ZNF250: variants seen among roughly 807,000 people sequenced by gnomAD.
ZNF250 encodes zinc finger protein 250.
A neutral mutation model predicts 37.1 loss-of-function variants in ZNF250; 13 were observed. That is an observed-to-expected ratio of 0.35 (90% CI 0.23 to 0.56). ZNF250 has a LOEUF of 0.56. ZNF250 is among the 20% of genes least tolerant of loss of function. ZNF250 has a pLI of 0.87. For synonymous variants in ZNF250, 251 were observed against 265.6 expected, an observed-to-expected ratio of 0.94 and a Z score of 0.54; for missense variants, 474 against 697.9, an observed-to-expected ratio of 0.68 and a Z score of 3.61.
Position 144,881,945 on chromosome 8 carries a change from G to T in ZNF250, c.1238C>A (p.Thr413Asn). ...GTAGCATGCATAGGGCTTTTCCTCG[G>T]TGTGGATCCGCTCGTGATTCATCAG... ...STLMNHERIHTEEKPYACYEC... is the reference protein window; with the variant it reads ...STLMNHERIHNEEKPYACYEC... The change falls in exon 6 of 6, where the codon ACC becomes AAC. Residue 413 changes from threonine (T) to asparagine (N), a missense_variant. Thr to Asn is a moderately conservative substitution (Grantham distance 65). Transcript: ENST00000417550. The T allele has an allele frequency of 6.2e-7, 1 of 1,614,038 alleles. No individual in the cohort carries two copies. Among genetic ancestry groups the T allele is most frequent in the Non-Finnish European group, 8.5e-7 (1 of 1,180,008 alleles).
Position 144,880,216 on chromosome 8 carries a change from C to A in ZNF250, c.*1299G>T, listed in dbSNP as rs571960149. The A allele has an allele frequency of 4.0e-4, 84 of 211,558 alleles. No individual in the cohort carries two copies. Among genetic ancestry groups the A allele is most frequent in the Middle Eastern group, 1.4e-3 (2 of 1,380 alleles). 13.1% of individuals were successfully genotyped at this position (211,558 alleles called of 1,614,324 possible). A position where few individuals can be genotyped will look rare whatever the true frequency, so the allele number is the denominator to read the frequency against. On this transcript the variant is annotated 3_prime_UTR_variant, in exon 6 of 6. Coordinates refer to ENST00000417550, the MANE Select transcript of ZNF250 (RefSeq NM_001109689.4). ...AGGAGTAAAAAAATGAAAAAAAAAA[C>A]CCCTTCAAATATAGGAATAGAAATA...
intron 4 of ZNF250, among the ~76,000 whole-genome samples, chr8:144,888,597 A>G (rs1269013881): frequency 0.013 from 1,462 of 114,546 alleles, 11 homozygotes; most frequent in Non-Finnish European, 0.017. Context: ...GACTGTCTCA[A>G]AAAAAAAAAA....
intron 1 of ZNF250, chr8:144,895,216 A>T (rs1387772575): frequency 6.6e-6 from 1 of 152,238 alleles, no homozygotes; most frequent in Non-Finnish European, 1.5e-5. Flanking sequence ...TGGTCCTTCC[A>T]CATACAAGTT....
chr8:144,899,427 C>T (rs1475833052), intron 1 of ZNF250, among the ~76,000 whole-genome samples: 2 of 152,168 alleles, frequency 1.3e-5, no homozygotes, highest in African/African-American at 4.8e-5. Context: ...AGGTGACAGA[C>T]ATCCTAATTA....
rs772223012 is a variant in ZNF250 at position 144,881,652 on chromosome 8, A to G, written c.1531T>C (p.Phe511Leu). 1.2e-6 allele frequency: 2 copies of G among 1,613,798 alleles called. No individual in the cohort carries two copies. The highest frequency in any genetic ancestry group is 1.7e-6 in the Non-Finnish European group (2 of 1,179,958). The change falls in exon 6 of 6, where the codon TTC (phenylalanine) becomes CTC (leucine). Residue 511 changes from phenylalanine to leucine, a missense_variant. Phe to Leu is a conservative substitution (Grantham distance 22). Transcript: ENST00000417550. ...PYECNSCGKA[F>L]SQYSVLIQHQ... Reference sequence around the variant, plus strand: ...TGGATGAGCACTGAGTACTGGCTGAAGGCCTTCCCGCAGCTATTGCACTCA... The same window carrying G: ...TGGATGAGCACTGAGTACTGGCTGAGGGCCTTCCCGCAGCTATTGCACTCA...
rs1426398159 is a variant in ZNF250 at position 144,898,170 on chromosome 8, G to A, written c.-55+3229C>T. Among the ~76,000 whole-genome samples, 7 of 152,266 alleles carry A rather than the reference G, an allele frequency of 4.6e-5. No homozygotes were observed. In the East Asian group the frequency reaches 1.2e-3, roughly 25 times the overall value. ...AAATTAGCTGGGTGTGGTGGCACGTGCCTGTAATTCCAGCTCCTCCCAAGG... is the reference window on the plus strand; with the variant it reads ...AAATTAGCTGGGTGTGGTGGCACGTACCTGTAATTCCAGCTCCTCCCAAGG... On this transcript the variant is annotated intron_variant, in intron 1 of 5. Coordinates refer to ENST00000417550, the MANE Select transcript of ZNF250 (RefSeq NM_001109689.4).
rs1163431918 is a variant in ZNF250, at chr8:144,882,478, T to C, written c.705A>G (p.Ser235=). 1 of 1,614,024 alleles carries C rather than the reference T, an allele frequency of 6.2e-7. No individual in the cohort carries two copies. Among genetic ancestry groups the C allele is most frequent in the Non-Finnish European group, 8.5e-7 (1 of 1,179,974 alleles). Reference sequence around the variant, plus strand: ...GAATTCTCCTGTGTTTACTAAGGACTGAGCTCTGGCTGAAGGCCTTCCCAC... The same window carrying C: ...GAATTCTCCTGTGTTTACTAAGGACCGAGCTCTGGCTGAAGGCCTTCCCAC... ...SVCGKAFSQS[S]VLSKHRRIHT... The change falls in exon 6 of 6, where the codon TCA becomes TCG. Residue 235 remains serine, a synonymous_variant. Coordinates refer to ENST00000417550, the MANE Select transcript of ZNF250 (RefSeq NM_001109689.4). The surrounding 1 kb of genome is among the most constrained non-coding windows in gnomAD (Gnocchi z 5.5).
At chr8:144,888,595 CAAA>C (rs36073563) in intron 4 of ZNF250, among the ~76,000 whole-genome samples, 138 of 54,638 alleles carry the variant, frequency 2.5e-3, no homozygotes, top group African/African-American at 6.5e-3. Context: ...AAGACTGTCT[CAAA>C]AAAAAAAAAA....
chr8:144,898,292 A>G (rs1389598961), intron 1 of ZNF250, among the ~76,000 whole-genome samples: 2 of 152,070 alleles, frequency 1.3e-5, no homozygotes, highest in African/African-American at 2.4e-5. Flanking sequence ...GTGAGACTCC[A>G]TCTCAAAAGA....
rs1469891473 is a variant in ZNF250 at position 144,897,710 on chromosome 8, C to T, written c.-55+3689G>A. ...AGAGCCCTGAACAGAGATTTACCCA[C>T]GTATTTATTAACAGCAAGCCAGTCA... On this transcript the variant is annotated intron_variant, in intron 1 of 5. Coordinates refer to ENST00000417550, the MANE Select transcript of ZNF250 (RefSeq NM_001109689.4). The surrounding 1 kb of genome is among the most constrained non-coding windows in gnomAD (Gnocchi z 5.2). Among the ~76,000 whole-genome samples, 2 of 152,094 alleles carry T rather than the reference C, an allele frequency of 1.3e-5. No individual in the cohort carries two copies. Among genetic ancestry groups the T allele is most frequent in the Non-Finnish European group, 2.9e-5 (2 of 68,020 alleles).
Position 144,887,252 on chromosome 8 carries a change from C to CAAAAAAAAAAAAAA in ZNF250, c.284-364_284-351dup, listed in dbSNP as rs56677445. On this transcript the variant is annotated intron_variant, in intron 4 of 5. Coordinates refer to ENST00000417550, the MANE Select transcript of ZNF250 (RefSeq NM_001109689.4). ...GGGGACAGAGTGAAACTCCGTCTCTCAAAAAAAAAAAAAAAAAAAAAAAAA... is the reference window on the plus strand; with the variant it reads ...GGGGACAGAGTGAAACTCCGTCTCTCAAAAAAAAAAAAAAAAAAAAAAAAAAAAAAAAAAAAAAA... 9.4e-4 allele frequency among the ~76,000 whole-genome samples: 59 copies of CAAAAAAAAAAAAAA among 63,074 alleles called. 2 individuals carry two copies. The highest frequency in any genetic ancestry group is 4.4e-3 in the African/African-American group (58 of 13,214). The allele number at this position is 63,074 out of a possible 152,430, so 41.4% of individuals were successfully genotyped here. A position where few individuals can be genotyped will look rare whatever the true frequency, so the allele number is the denominator to read the frequency against.
chr8:144,887,276 A>G (rs1376576457), intron 4 of ZNF250, among the ~76,000 whole-genome samples: 7 of 131,970 alleles, frequency 5.3e-5, no homozygotes, highest in Non-Finnish European at 1.0e-4. Flanking sequence ...AAAAAAAAAA[A>G]AAAAGAGTGG....
rs377039861 is a variant in ZNF250 at position 144,886,853 on chromosome 8, T to C, written c.333A>G (p.Leu111=). 6.2e-7 allele frequency: 1 copy of C among 1,613,284 alleles called. No individual in the cohort carries two copies. The highest frequency in any genetic ancestry group is 8.5e-7 in the Non-Finnish European group (1 of 1,179,566). ...HTTACTQQDS[L]SCPWECETKG... The stretch of plus-strand genomic sequence containing the variant: ...GCATACACTTACCCCATGGACAAGA[T>C]AAACTGTCTTGTTGTGTACAGGCTG... Residue 111 remains leucine, a synonymous_variant, in exon 5 of 6, where the codon TTA becomes TTG. Coordinates refer to ENST00000417550, the MANE Select transcript of ZNF250 (RefSeq NM_001109689.4).
intron 1 of ZNF250, among the ~76,000 whole-genome samples, chr8:144,898,532 A>G (rs1772603313): frequency 6.6e-6 from 1 of 152,230 alleles, no homozygotes; most frequent in Admixed American, 6.5e-5. Context: ...CTCATGTGGG[A>G]AAACATTTTT....
intron 1 of ZNF250, among the ~76,000 whole-genome samples, chr8:144,893,697 TG>T (rs1832512823): frequency 6.6e-6 from 1 of 152,132 alleles, no homozygotes; most frequent in Admixed American, 6.6e-5. Context: ...CAGAGGTGGA[TG>T]GTCATTCTCT....
chr8:144,893,997 T>C (rs376810867), intron 1 of ZNF250, among the ~76,000 whole-genome samples: 11 of 152,204 alleles, frequency 7.2e-5, no homozygotes, highest in African/African-American at 1.4e-4. Context: ...GCCCAGTAGC[T>C]CTTTTGGTAC....
chr8:144,883,338 ATTTC>A (rs1366312135), intron 5 of ZNF250, among the ~76,000 whole-genome samples: 12 of 149,756 alleles, frequency 8.0e-5, no homozygotes, highest in Admixed American at 2.7e-4. Context: ...GTGGAAAATA[ATTTC>A]TTTTTTTTTT....
At position 144,882,473 on chromosome 8, in the gene ZNF250, A is replaced by G; in HGVS notation, c.710T>C (p.Leu237Pro). 6.2e-7 allele frequency: 1 copy of G among 1,614,102 alleles called. No homozygotes were observed. The highest frequency in any genetic ancestry group is 8.5e-7 in the Non-Finnish European group (1 of 1,180,024). The change falls in exon 6 of 6, where the codon CTT becomes CCT. Residue 237 changes from leucine to proline, a missense_variant. Leu to Pro is a moderately conservative substitution (Grantham distance 98). This residue lies in a region of ZNF250 where 282 missense variants were observed against 470.4 expected (regional missense o/e 0.60). Coordinates refer to ENST00000417550, the MANE Select transcript of ZNF250 (RefSeq NM_001109689.4). This position sits in a 1 kb window ranked among gnomAD's most constrained non-coding sequence, Gnocchi z 5.5. The stretch of plus-strand genomic sequence containing the variant: ...TGTGTGAATTCTCCTGTGTTTACTA[A>G]GGACTGAGCTCTGGCTGAAGGCCTT... The part of the protein sequence containing the change: ...CGKAFSQSSV[L>P]SKHRRIHTGE...
chr8:144,886,867 G>C lies in ZNF250; in HGVS notation c.319C>G (p.Gln107Glu), dbSNP rs751374558. 3.1e-6 allele frequency: 5 copies of C among 1,613,364 alleles called. No individual in the cohort carries two copies. The East Asian group carries it at 1.1e-4, about 36-fold the overall frequency. ...LKYDHTTACT[Q>E]QDSLSCPWEC... ...CATGGACAAGATAAACTGTCTTGTT[G>C]TGTACAGGCTGTAGTGTGGTCATAT... Residue 107 changes from glutamine to glutamate, a missense_variant, in exon 5 of 6, where the codon CAA (glutamine) becomes GAA (glutamate). Transcript: ENST00000417550.
Sources: allele counts gnomAD v4.1 joint callset (sites outside exome capture counted in the v4.1 genomes callset), GRCh38; gene constraint gnomAD v4.1.1; regional missense constraint gnomAD v4.1.1; non-coding constraint Gnocchi (gnomAD v3.1); transcripts MANE v1.5; gene names NCBI Gene and HGNC (gene_info 2026-07-23, HGNC 2026-07-21).